SEC31B: variants seen among roughly 807,000 people sequenced by gnomAD.
SEC31B encodes protein transport protein Sec31B.
A neutral mutation model predicts 135.0 loss-of-function variants in SEC31B; 113 were observed. The ratio of observed to expected loss-of-function variants is 0.84; its 90% CI spans 0.72 to 0.98. SEC31B has a LOEUF of 0.98. SEC31B is among the 50% of genes least tolerant of loss of function. The pLI is 0.00. For synonymous variants in SEC31B, 508 were observed against 549.4 expected, an observed-to-expected ratio of 0.92 and a Z score of 1.05; for missense variants, 1,296 against 1,421.1, an observed-to-expected ratio of 0.91 and a Z score of 1.42.
intron 3 of SEC31B, among the ~76,000 whole-genome samples, chr10:100,510,381 T>C (rs1041638698): frequency 2.0e-5 from 3 of 152,244 alleles, no homozygotes; most frequent in Non-Finnish European, 4.4e-5. Flanking sequence ...GGAAATACTT[T>C]TCTGGATTTC....
rs764477083 is a variant in SEC31B, at chr10:100,497,748, T to C, written c.1909A>G (p.Thr637Ala). The C allele has an allele frequency of 1.2e-6, 2 of 1,614,176 alleles. No individual in the cohort carries two copies. Among genetic ancestry groups the C allele is most frequent in the South Asian group, 1.1e-5 (1 of 91,084 alleles). Residue 637 changes from threonine (T) to alanine (A), a missense_variant, in exon 16 of 26, where the codon ACC (threonine) becomes GCC (alanine). By Grantham distance (58) the Thr-to-Ala change is moderately conservative. Transcript: ENST00000370345. The part of the protein sequence containing the change: ...VQKNWKDVVC[T>A]CSLKNWREAL... ...TCTCTCCAGTTCTTCAGGCTACAGG[T>C]ACACACCACATCCTTCCAATTCTTT...
At chr10:100,509,224 C>A in intron 4 of SEC31B, 92 bp downstream of exon 4, 1 of 1,499,284 alleles carries the variant, frequency 6.7e-7, no homozygotes, top group South Asian at 1.2e-5. Context: ...GGAAAGGGGT[C>A]AGAGTTACAG....
chr10:100,503,118 A>G (rs1211078718), intron 10 of SEC31B, among the ~76,000 whole-genome samples: 1 of 152,080 alleles, frequency 6.6e-6, no homozygotes, highest in Non-Finnish European at 1.5e-5. Context: ...CTTGTTTATT[A>G]TAATTGCTCC....
chr10:100,514,744 C>A (rs1851796290), intron 3 of SEC31B, among the ~76,000 whole-genome samples: 1 of 152,038 alleles, frequency 6.6e-6, no homozygotes, highest in Non-Finnish European at 1.5e-5. Flanking sequence ...CATCAATCAT[C>A]AGAAGGAATG....
At chr10:100,505,974 T>C (rs2133690086) in intron 9 of SEC31B, 66 bp downstream of exon 9, 1 of 1,604,548 alleles carries the variant, frequency 6.2e-7, no homozygotes, top group Admixed American at 1.7e-5. Context: ...TCTCAAGCCA[T>C]ATGTCTCTCT....
At chr10:100,502,195 G>A (rs761928740) in intron 11 of SEC31B, 59 bp downstream of exon 11, 1 of 1,327,826 alleles carries the variant, frequency 7.5e-7, no homozygotes, top group Non-Finnish European at 1.1e-6. Context: ...AGTTGACAGA[G>A]GTTGGAGTTC....
At position 100,507,275 on chromosome 10, in the gene SEC31B, G is replaced by A. The variant is rs574923640; in HGVS notation, c.782+150C>T. 54 of 890,590 alleles carry A rather than the reference G, an allele frequency of 6.1e-5. No homozygotes were observed. In the African/African-American group the frequency reaches 6.4e-4, roughly 11 times the overall value. The allele number at this position is 890,590 out of a possible 1,614,324, so 55.2% of individuals were successfully genotyped here. ...AAGGGCCTCCTCTTGGTTAAGGCTG[G>A]AGTAGGTATTGGGTGACTATATGTT... On this transcript the variant is annotated intron_variant, in intron 7 of 25. Transcript: ENST00000370345.
At chr10:100,487,970 G>T in intron 25 of SEC31B, 57 bp downstream of exon 25, 1 of 1,574,994 alleles carries the variant, frequency 6.3e-7, no homozygotes, top group Non-Finnish European at 8.7e-7. Flanking sequence ...GGCTTCCTTT[G>T]GCCATGGTGA....
At chr10:100,496,118 G>A (rs1713617240) in intron 18 of SEC31B, 140 bp downstream of exon 18, 1 of 857,948 alleles carries the variant, frequency 1.2e-6, no homozygotes, top group Admixed American at 2.8e-5. Context: ...TCCCCCAGTA[G>A]ATTGTGAGGT....
At chr10:100,511,988 AC>A (rs1199375989) in intron 3 of SEC31B, among the ~76,000 whole-genome samples, 56 of 152,340 alleles carry the variant, frequency 3.7e-4, no homozygotes, top group African/African-American at 1.3e-3. Flanking sequence ...TGGGATATAA[AC>A]TCAGGTCTAT....
At position 100,498,169 on chromosome 10, in the gene SEC31B, C is replaced by G. The variant is rs760913294; in HGVS notation, c.1723G>C (p.Glu575Gln). The G allele has an allele frequency of 5.6e-6, 9 of 1,614,186 alleles. No individual in the cohort carries two copies. Among genetic ancestry groups the G allele is most frequent in the Non-Finnish European group, 6.8e-6 (8 of 1,180,036 alleles). Residue 575 changes from glutamate to glutamine, a missense_variant, in exon 15 of 26, where the codon GAA (glutamate) becomes CAA (glutamine). Coordinates refer to ENST00000370345, the MANE Select transcript of SEC31B (RefSeq NM_015490.4). ...CACAGCTCCACGGCCGGACCCAGTTCCCCAAGCAGGAGAGCCTGGCTTAGG... is the reference window on the plus strand; with the variant it reads ...CACAGCTCCACGGCCGGACCCAGTTGCCCAAGCAGGAGAGCCTGGCTTAGG... ...GLLSQALLLGELGPAVELCLK... is the reference protein window; with the variant it reads ...GLLSQALLLGQLGPAVELCLK...
At position 100,490,848 on chromosome 10, in the gene SEC31B, G is replaced by C; in HGVS notation, c.2508C>G (p.Thr836=). Residue 836 remains threonine (T), a synonymous_variant, in exon 20 of 26, where the codon ACC becomes ACG. Coordinates refer to ENST00000370345, the MANE Select transcript of SEC31B (RefSeq NM_015490.4). The stretch of plus-strand genomic sequence containing the variant: ...AGGGCATCGCTGGTGATGACTGAGG[G>C]GTGAAAACCCTTGGCCTTGGAGATG... The part of the protein sequence containing the change: ...PTPSPRPRVF[T]PQSSPAMPLA... 9.5e-6 allele frequency: 15 copies of C among 1,571,468 alleles called. No individual in the cohort carries two copies. Among genetic ancestry groups the C allele is most frequent in the Non-Finnish European group, 1.3e-5 (15 of 1,153,514 alleles).
intron 3 of SEC31B, among the ~76,000 whole-genome samples, chr10:100,514,554 T>C (rs925268536): frequency 2.0e-5 from 3 of 148,314 alleles, no homozygotes; most frequent in Non-Finnish European, 3.0e-5. Flanking sequence ...TACAAAGAGA[T>C]GTAAAAAAAA....
Position 100,509,353 on chromosome 10 carries a change from G to A in SEC31B, c.362C>T (p.Thr121Met), listed in dbSNP as rs141572603. 339 of 1,613,950 alleles carry A rather than the reference G, an allele frequency of 2.1e-4. No homozygotes were observed. The highest frequency in any genetic ancestry group is 2.8e-4 in the Admixed American group (17 of 60,022). Residue 121 changes from threonine to methionine, a missense_variant, in exon 4 of 26, where the codon ACG becomes ATG. Transcript: ENST00000370345. The part of the protein sequence containing the change: ...EPVIAQKQKH[T>M]GAVRALDLNP... ...CAAGTCGAGGGCTCTGACAGCCCCC[G>A]TGTGCTTCTGTTTCTGAGCAATCAC...
chr10:100,506,555 CT>C, intron 7 of SEC31B, 135 bp from the exon 8 acceptor site: 1 of 728,626 alleles, frequency 1.4e-6, no homozygotes, highest in Non-Finnish European at 2.2e-6. Flanking sequence ...CTGATATTAT[CT>C]TACAAATGAA....
Position 100,508,991 on chromosome 10 carries a change from T to A in SEC31B, c.495+16A>T. On this transcript the variant is annotated intron_variant, in intron 5 of 25. Transcript: ENST00000370345. ...AGCTGCACACTCCAGGGTTGGGTAG[T>A]GGGGGTGCTGCTCACCTGTGACTTG... 6.3e-7 allele frequency: 1 copy of A among 1,599,014 alleles called. No homozygotes were observed. The highest frequency in any genetic ancestry group is 8.6e-7 in the Non-Finnish European group (1 of 1,166,326).
At position 100,499,168 on chromosome 10, in the gene SEC31B, AG is replaced by A; in HGVS notation, c.1575del (p.Cys526AlafsTer27). ...CTGGACTCCTACCACACCTGGCTGC[AG>A]AAGGCCTGTTGTCTGTCACTGTTGA... is the stretch of plus-strand genomic sequence containing the variant. The part of the protein sequence containing the change: ...NDLNSDRQQA[F>X]CSQASKHTTK... On this transcript the variant is annotated frameshift_variant, in exon 13 of 26. Transcript: ENST00000370345. LOFTEE classifies it high-confidence loss of function. 6.2e-7 allele frequency: 1 copy of A among 1,613,950 alleles called. No individual in the cohort carries two copies. Among genetic ancestry groups the A allele is most frequent in the Admixed American group, 1.7e-5 (1 of 60,018 alleles).
In SEC31B at chr10:100,502,462, A is replaced by G. The variant is rs201776956; in HGVS notation, c.1202T>C (p.Phe401Ser). 6.2e-7 allele frequency: 1 copy of G among 1,613,506 alleles called. No homozygotes were observed. The highest frequency in any genetic ancestry group is 8.5e-7 in the Non-Finnish European group (1 of 1,179,850). ...ATGGGCAGGGGTGCTGGGGAGGCCAAAAGTAACCAGCTTCCCTCCAAACTG... is the reference window on the plus strand; with the variant it reads ...ATGGGCAGGGGTGCTGGGGAGGCCAGAAGTAACCAGCTTCCCTCCAAACTG... ...SFAFGGKLVT[F>S]GLPSTPAHLV... Residue 401 changes from phenylalanine to serine, a missense_variant, in exon 11 of 26, where the codon TTT (phenylalanine) becomes TCT (serine). Phe to Ser is a radical substitution (Grantham distance 155, BLOSUM62 -2). Transcript: ENST00000370345.
At chr10:100,491,462 A>G (rs894095547) in intron 19 of SEC31B, among the ~76,000 whole-genome samples, 4 of 152,250 alleles carry the variant, frequency 2.6e-5, no homozygotes, top group South Asian at 2.1e-4. Context: ...CTACACATCA[A>G]TATTTCTCAT....
Sources: allele counts gnomAD v4.1 joint callset (sites outside exome capture counted in the v4.1 genomes callset), GRCh38; gene constraint gnomAD v4.1.1; transcripts MANE v1.5; gene names NCBI Gene and HGNC (gene_info 2026-07-23, HGNC 2026-07-21).